The following PPP1R13B variants were observed in gnomAD, a reference collection of about 807,000 sequenced individuals.
PPP1R13B encodes the protein protein phosphatase 1 regulatory subunit 13B.
In PPP1R13B, 44 loss-of-function variants were observed where a neutral mutation model predicts 119.8. The ratio of observed to expected loss-of-function variants is 0.37; its 90% confidence interval spans 0.29 to 0.47. PPP1R13B has a LOEUF of 0.47. Among genes scored for constraint, PPP1R13B ranks in the 20% least tolerant of loss-of-function variants. The probability of loss-of-function intolerance (pLI) is 0.99; values close to 1 mark genes in which losing one functional copy is unlikely to be tolerated. For synonymous variants in PPP1R13B, 542 were observed against 561.5 expected (o/e 0.97, Z 0.49); for missense variants, 1,227 against 1,413.5 (o/e 0.87, Z 2.12).
rs181184607 is a variant in PPP1R13B, at chr14:103,810,280, G to A, written c.10-12762C>T. Among the ~76,000 whole-genome samples the A allele has an allele frequency of 5.3e-5, 8 of 152,006 alleles. No individual in the cohort carries two copies. The East Asian group carries it at 1.2e-3, about 23-fold the overall frequency. ...CTACCAAAAATACAAAAATTAGCCC[G>A]ACGTGGTGGCACATGCCTATAATCC... On this transcript the variant is annotated intron_variant, in intron 1 of 16. Transcript: ENST00000202556.
chr14:103,787,680 T>A (rs1424807217), intron 2 of PPP1R13B, among the ~76,000 whole-genome samples: 3 of 134,894 alleles, frequency 2.2e-5, no homozygotes, highest in African/African-American at 8.5e-5. Context: ...TGAGACAGAG[T>A]CTCACTGTGT....
At chr14:103,741,467 G>A (rs938799765) in intron 11 of PPP1R13B, among the ~76,000 whole-genome samples, 4 of 152,182 alleles carry the variant, frequency 2.6e-5, no homozygotes, top group Non-Finnish European at 5.9e-5. Flanking sequence ...ACAGCTCCCG[G>A]CACAAGTTAC....
intron 15 of PPP1R13B, chr14:103,736,493 T>C: frequency 2.0e-6 from 1 of 494,512 alleles, no homozygotes; most frequent in Non-Finnish European, 3.7e-6. Context: ...AAGGTGACGC[T>C]TAGCAATCAC....
rs377416513 is a variant in PPP1R13B at position 103,832,529 on chromosome 14, G to A, written c.9+14770C>T. On this transcript the variant is annotated intron_variant, in intron 1 of 16. Transcript: ENST00000202556. ...TCTACAAACTGAATTCAGTTTCAAC[G>A]CCAAGTTCCTTGACAACTATTTTGA... 5.3e-5 allele frequency among the ~76,000 whole-genome samples: 8 copies of A among 152,296 alleles called. No homozygotes were observed. In the South Asian group the frequency reaches 6.2e-4, roughly 12 times the overall value.
intron 1 of PPP1R13B, among the ~76,000 whole-genome samples, chr14:103,821,614 G>A (rs1262206841): frequency 6.6e-6 from 1 of 152,198 alleles, no homozygotes; most frequent in East Asian, 1.9e-4. Context: ...AGCCGGGCGT[G>A]GTGATGCCTG....
upstream of PPP1R13B, among the ~76,000 whole-genome samples, chr14:103,847,981 G>A (rs899177312): frequency 1.8e-3 from 274 of 151,736 alleles, 1 homozygote; most frequent in African/African-American, 6.4e-3. Flanking sequence ...GCGACGGCGC[G>A]CGCCCGCACT....
chr14:103,838,363 T>C (rs546457278), intron 1 of PPP1R13B, among the ~76,000 whole-genome samples: 2 of 152,180 alleles, frequency 1.3e-5, no homozygotes, highest in East Asian at 1.9e-4. Flanking sequence ...AGTGGTATAA[T>C]GGGAAACAAA....
intron 2 of PPP1R13B, among the ~76,000 whole-genome samples, chr14:103,789,662 C>T (rs2085566626): frequency 1.3e-5 from 2 of 151,906 alleles, no homozygotes; most frequent in South Asian, 2.1e-4. Context: ...TACAGGTGTG[C>T]ACTACCACGC....
chr14:103,761,213 G>C (rs1050220749), intron 4 of PPP1R13B, among the ~76,000 whole-genome samples: 6 of 146,918 alleles, frequency 4.1e-5, no homozygotes, highest in Non-Finnish European at 5.9e-5. Context: ...GGTTGAGAAT[G>C]CAGTGAGCTG....
At chr14:103,763,966 T>G (rs975113716) in intron 4 of PPP1R13B, 1 of 152,288 alleles carries the variant, frequency 6.6e-6, no homozygotes, top group Non-Finnish European at 1.5e-5. Context: ...TTCTTTTTAA[T>G]GCTGCATCAT....
At chr14:103,748,156 T>A (rs910909654) in intron 8 of PPP1R13B, among the ~76,000 whole-genome samples, 5 of 151,946 alleles carry the variant, frequency 3.3e-5, no homozygotes, top group African/African-American at 1.2e-4. Context: ...TAGGAAGCCC[T>A]GACTACTACG....
At chr14:103,769,097 G>A (rs2085004410) in intron 4 of PPP1R13B, among the ~76,000 whole-genome samples, 1 of 151,800 alleles carries the variant, frequency 6.6e-6, no homozygotes, top group Admixed American at 6.6e-5. Flanking sequence ...TTTTCTTTCT[G>A]TTTTTTGAGA....
At chr14:103,788,962 G>C (rs1205709039) in intron 2 of PPP1R13B, among the ~76,000 whole-genome samples, 1 of 152,114 alleles carries the variant, frequency 6.6e-6, no homozygotes, top group African/African-American at 2.4e-5. Context: ...GATGGTGAGA[G>C]TATTGCAGGG....
chr14:103,804,030 C>T (rs943392835), intron 1 of PPP1R13B: 20 of 980,920 alleles, frequency 2.0e-5, no homozygotes, highest in East Asian at 1.1e-4. Context: ...TCTACTGGAA[C>T]AGTATCTGTG....
chr14:103,748,266 T>C (rs1046966311), intron 8 of PPP1R13B, among the ~76,000 whole-genome samples: 3 of 152,190 alleles, frequency 2.0e-5, no homozygotes, highest in Non-Finnish European at 2.9e-5. Context: ...AAAACCAACA[T>C]CTGAAATCAT....
At position 103,740,429 on chromosome 14, in the gene PPP1R13B, C is replaced by T. The variant is rs775936694; in HGVS notation, c.1987G>A (p.Val663Met). The T allele has an allele frequency of 8.8e-6, 14 of 1,597,838 alleles. No individual in the cohort carries two copies. The Admixed American group carries it at 1.2e-4, about 14-fold the overall frequency. Residue 663 changes from valine (V) to methionine (M), a missense_variant, in exon 12 of 17, where the codon GTG (valine) becomes ATG (methionine). Val to Met is a conservative substitution (Grantham distance 21, BLOSUM62 1). Transcript: ENST00000202556. The surrounding 1 kb of genome is among the most constrained non-coding windows in gnomAD (Gnocchi z 4.6). ...GPAAPADGST[V>M]ESLPRPLSPT... ...CTGAGTGGCCGTGGCAGGCTCTCCACGGTGCTGCCATCTGCGGGGGCGGCG... is the reference window on the plus strand; with the variant it reads ...CTGAGTGGCCGTGGCAGGCTCTCCATGGTGCTGCCATCTGCGGGGGCGGCG...
intron 4 of PPP1R13B, among the ~76,000 whole-genome samples, chr14:103,769,161 C>T (rs1335536723): frequency 1.3e-5 from 2 of 152,136 alleles, no homozygotes; most frequent in African/African-American, 4.8e-5. Flanking sequence ...TCTTGGCTCA[C>T]CGCAACCTGT....
At chr14:103,749,194 TA>T (rs1318938086) in intron 8 of PPP1R13B, among the ~76,000 whole-genome samples, 1 of 152,244 alleles carries the variant, frequency 6.6e-6, no homozygotes, top group Non-Finnish European at 1.5e-5. Context: ...TTTATCGTAT[TA>T]TTTTTTCATT....
chr14:103,742,393 G>A lies in PPP1R13B; in HGVS notation c.1321-102C>T, dbSNP rs183668914. The A allele has an allele frequency of 1.1e-4, 156 of 1,437,410 alleles. No homozygotes were observed. Among genetic ancestry groups the A allele is most frequent in the East Asian group, 4.8e-4 (21 of 43,596 alleles). 89.0% of individuals were successfully genotyped at this position (1,437,410 alleles called of 1,614,324 possible). On this transcript the variant is annotated intron_variant, in intron 10 of 16. Transcript: ENST00000202556. This position sits in a 1 kb window ranked among gnomAD's most constrained non-coding sequence, Gnocchi z 4.9. The stretch of plus-strand genomic sequence containing the variant: ...GAATACACAGTAGAATTTGTAATCC[G>A]TCAAATTGGCTGTGACCAGGACTTG...
Sources: allele counts gnomAD v4.1 joint callset (sites outside exome capture counted in the v4.1 genomes callset), GRCh38; gene constraint gnomAD v4.1.1; non-coding constraint Gnocchi (gnomAD v3.1); transcripts MANE v1.5; gene names NCBI Gene and HGNC (gene_info 2026-07-23, HGNC 2026-07-21).